Variants in WWOX observed in about 807,000 individuals in gnomAD.
WWOX encodes WW domain-containing oxidoreductase.
A neutral mutation model predicts 46.2 loss-of-function variants in WWOX; 69 were observed. The ratio of observed to expected loss-of-function variants is 1.49; its 90% CI spans 1.23 to 1.82. The LOEUF (loss-of-function observed/expected upper bound fraction) is 1.82, where lower values mean the gene tolerates loss of function less well. Ranked by LOEUF, WWOX falls within the 40% of genes most tolerant of loss-of-function variation. WWOX has a pLI of 0.00. For missense variants in WWOX, 919 were observed against 542.6 expected (o/e 1.69, Z -6.89); for synonymous variants, 359 against 202.6 (o/e 1.77, Z -6.56).
intron 4 of WWOX, among the ~76,000 whole-genome samples, chr16:78,140,897 G>A (rs1033531333): frequency 2.0e-5 from 3 of 152,316 alleles, no homozygotes; most frequent in Admixed American, 6.5e-5. Context: ...CAGATGCATA[G>A]CAATCATTCA....
rs186829082 is a variant in WWOX at position 79,050,357 on chromosome 16, C to T, written c.1057-161251C>T. 1.8e-3 allele frequency among the ~76,000 whole-genome samples: 278 copies of T among 152,304 alleles called. 1 individual carries two copies. The highest frequency in any genetic ancestry group is 1.7e-3 in the South Asian group (8 of 4,822). ...GGGTGGTTCTCCTCCACATGTCTCT[C>T]ATCTTCCTGGGACCAGCAGGGCTAG... On this transcript the variant is annotated intron_variant, in intron 8 of 8. Transcript: ENST00000566780.
chr16:78,354,254 G>T (rs1237975448), intron 5 of WWOX, among the ~76,000 whole-genome samples: 1 of 134,974 alleles, frequency 7.4e-6, no homozygotes, highest in Non-Finnish European at 1.5e-5. Context: ...CAGAAATAAA[G>T]GGATTAATCT....
At chr16:78,957,591 C>G (rs906235575) in intron 8 of WWOX, among the ~76,000 whole-genome samples, 1 of 152,194 alleles carries the variant, frequency 6.6e-6, no homozygotes, top group East Asian at 1.9e-4. Flanking sequence ...ATTCATAACT[C>G]AGTCACGTTA....
intron 8 of WWOX, among the ~76,000 whole-genome samples, chr16:78,585,690 T>TG (rs2045182337): frequency 2.0e-5 from 3 of 151,086 alleles, no homozygotes; most frequent in African/African-American, 7.3e-5. Flanking sequence ...TTTTTTTGTT[T>TG]TTTTTTGTTT....
intron 8 of WWOX, among the ~76,000 whole-genome samples, chr16:78,822,703 C>T (rs1469059239): frequency 6.6e-6 from 1 of 152,220 alleles, no homozygotes; most frequent in Non-Finnish European, 1.5e-5. Context: ...GCTTTTTATG[C>T]AACATCATCA....
chr16:78,314,628 G>A (rs1235489327), intron 5 of WWOX, among the ~76,000 whole-genome samples: 2 of 144,002 alleles, frequency 1.4e-5, no homozygotes, highest in Non-Finnish European at 3.0e-5. Flanking sequence ...GGGTTCAAGC[G>A]ATTCTTCTGC....
intron 8 of WWOX, among the ~76,000 whole-genome samples, chr16:79,140,020 G>A (rs563487969): frequency 6.6e-6 from 1 of 152,262 alleles, no homozygotes; most frequent in Admixed American, 6.5e-5. Context: ...GCTTTGCTGC[G>A]CTGTCAGCAC....
intron 8 of WWOX, among the ~76,000 whole-genome samples, chr16:79,022,344 C>CAAAAAA (rs10654627): frequency 1.4e-5 from 1 of 71,218 alleles, no homozygotes; most frequent in African/African-American, 5.1e-5. Flanking sequence ...CAATCTGTGG[C>CAAAAAA]AAAAAAAAAA....
At chr16:78,844,854 C>CTCTA (rs1239032899) in intron 8 of WWOX, among the ~76,000 whole-genome samples, 3 of 152,184 alleles carry the variant, frequency 2.0e-5, no homozygotes, top group African/African-American at 7.2e-5. Context: ...AGTGACCTTG[C>CTCTA]TCTAGCTCAC....
intron 8 of WWOX, among the ~76,000 whole-genome samples, chr16:78,940,232 G>A (rs556789485): frequency 3.9e-5 from 6 of 152,188 alleles, no homozygotes; most frequent in Admixed American, 6.5e-5. Flanking sequence ...ATGTTTGTGT[G>A]TAGAAATAGA....
rs1236941645 is a variant in WWOX at position 78,325,910 on chromosome 16, A to G, written c.517-60950A>G. Among the ~76,000 whole-genome samples, 4 of 152,270 alleles carry G rather than the reference A, an allele frequency of 2.6e-5. No individual in the cohort carries two copies. In the East Asian group the frequency reaches 7.7e-4, roughly 29 times the overall value. ...AGTTAATCAAATTAAAGGCTATGAA[A>G]TGATGCCCACTGTGGATCCTGTGCC... is the stretch of plus-strand genomic sequence containing the variant. On this transcript the variant is annotated intron_variant, in intron 5 of 8. Transcript: ENST00000566780.
intron 6 of WWOX, among the ~76,000 whole-genome samples, chr16:78,415,171 G>T (rs1211828429): frequency 6.6e-6 from 1 of 151,152 alleles, no homozygotes; most frequent in African/African-American, 2.4e-5. Context: ...TCACGGAAAG[G>T]GGTAGGCAGT....
At chr16:78,119,307 C>T (rs1374347913) in intron 4 of WWOX, among the ~76,000 whole-genome samples, 11 of 152,190 alleles carry the variant, frequency 7.2e-5, no homozygotes, top group Admixed American at 5.2e-4. Flanking sequence ...TTTTTTTAGG[C>T]GAGGGAATTT....
At chr16:78,550,425 C>G (rs1395392528) in intron 8 of WWOX, among the ~76,000 whole-genome samples, 1 of 152,166 alleles carries the variant, frequency 6.6e-6, no homozygotes, top group East Asian at 1.9e-4. Flanking sequence ...GACAATAAAA[C>G]TTTATTTAGA....
At chr16:79,008,302 G>C (rs963267113) in intron 8 of WWOX, among the ~76,000 whole-genome samples, 4 of 152,144 alleles carry the variant, frequency 2.6e-5, no homozygotes, top group African/African-American at 7.2e-5. Flanking sequence ...TCTCTTCAGT[G>C]AGGGCCCAGC....
At position 79,131,652 on chromosome 16, in the gene WWOX, T is replaced by C. The variant is rs571926970; in HGVS notation, c.1057-79956T>C. Among the ~76,000 whole-genome samples, 20 of 152,316 alleles carry C rather than the reference T, an allele frequency of 1.3e-4. No individual in the cohort carries two copies. In the East Asian group the frequency reaches 3.5e-3, roughly 26 times the overall value. On this transcript the variant is annotated intron_variant, in intron 8 of 8. Transcript: ENST00000566780. ...ATATATTGAGGCTTTATCTCTGCCA[T>C]GGTGTCAGCATCAGTGAATTAACAC...
intron 8 of WWOX, among the ~76,000 whole-genome samples, chr16:79,185,017 AACAC>A (rs2050985513): frequency 6.6e-6 from 1 of 152,236 alleles, no homozygotes; most frequent in South Asian, 2.1e-4. Context: ...AAAATCAGGA[AACAC>A]ACAAATAATT....
chr16:78,690,275 G>A (rs766408771), intron 8 of WWOX, among the ~76,000 whole-genome samples: 3 of 152,148 alleles, frequency 2.0e-5, no homozygotes, highest in Admixed American at 6.5e-5. Flanking sequence ...TGTTGGCCAG[G>A]CGTGGTGGCT....
chr16:78,599,396 C>G (rs527328691), intron 8 of WWOX, among the ~76,000 whole-genome samples: 83 of 152,318 alleles, frequency 5.4e-4, no homozygotes, highest in Middle Eastern at 3.4e-3. Context: ...ACCAAAGGGC[C>G]TGCTGCCCTG....
Sources: allele counts gnomAD v4.1 joint callset (sites outside exome capture counted in the v4.1 genomes callset), GRCh38; gene constraint gnomAD v4.1.1; transcripts MANE v1.5; gene names NCBI Gene and HGNC (gene_info 2026-07-23, HGNC 2026-07-21).